Variants in TMEM67 observed in about 807,000 individuals in gnomAD.
TMEM67 encodes transmembrane protein 67, also known as meckelin.
A neutral mutation model predicts 136.6 loss-of-function variants in TMEM67; 124 were observed. The ratio of observed to expected loss-of-function variants is 0.91; its 90% confidence interval spans 0.78 to 1.05. The LOEUF (loss-of-function observed/expected upper bound fraction) is 1.05. Among genes scored for constraint, TMEM67 ranks in the 50% least tolerant of loss-of-function variants. The pLI is 0.00. For missense variants in TMEM67, 1,107 were observed against 1,178.4 expected (o/e 0.94, Z 0.89); for synonymous variants, 364 against 390.5 (o/e 0.93, Z 0.80).
chr8:93,790,996 A>T (rs1464242253), intron 14 of TMEM67, among the ~76,000 whole-genome samples: 1 of 152,242 alleles, frequency 6.6e-6, no homozygotes, highest in African/African-American at 2.4e-5. Context: ...CTATCAGAAA[A>T]TGAAATATGA....
chr8:93,778,884 A>C (rs890728264), intron 7 of TMEM67, among the ~76,000 whole-genome samples: 11 of 152,076 alleles, frequency 7.2e-5, no homozygotes, highest in African/African-American at 2.7e-4. Flanking sequence ...GTATTTCCTG[A>C]ATTTGAATGT....
chr8:93,827,579 CTTTTTTTT>C, the TMEM67 span, among the ~76,000 whole-genome samples: 4 of 136,478 alleles, frequency 2.9e-5, no homozygotes, highest in Admixed American at 7.4e-5. Flanking sequence ...TGTATTTTTT[CTTTTTTTT>C]TTTTTTGTAT....
At chr8:93,755,681 A>C (rs1812534863) in intron 1 of TMEM67, 97 bp from the exon 2 acceptor site, 1 of 832,096 alleles carries the variant, frequency 1.2e-6, no homozygotes, top group African/African-American at 1.7e-5. Context: ...ACTGCTTCTC[A>C]AGATCTTCAG....
In TMEM67 at chr8:93,765,655, G is replaced by C. The variant is rs1189734872; in HGVS notation, c.651+9G>C. ...CACGTTATGGAGAAGTTGTGAGTAT[G>C]TTTCAATTTTTTTGTTCTGTTGTTA... On this transcript the variant is annotated intron_variant, in intron 6 of 27. Coordinates refer to ENST00000453321, the MANE Select transcript of TMEM67 (RefSeq NM_153704.6). The C allele has an allele frequency of 1.9e-6, 3 of 1,600,768 alleles. No individual in the cohort carries two copies. Among genetic ancestry groups the C allele is most frequent in the Non-Finnish European group, 2.6e-6 (3 of 1,168,100 alleles).
chr8:93,804,310 C>CTTTTTTT (rs1182297223), intron 22 of TMEM67, among the ~76,000 whole-genome samples: 12 of 93,810 alleles, frequency 1.3e-4, no homozygotes, highest in Non-Finnish European at 1.7e-4. Context: ...CTTTTCTTTT[C>CTTTTTTT]TTTTTTTTTT....
intron 10 of TMEM67, 32 bp downstream of exon 10, chr8:93,781,776 C>T: frequency 1.5e-6 from 2 of 1,333,580 alleles, no homozygotes; most frequent in Non-Finnish European, 2.1e-6. Flanking sequence ...GAATTAATAA[C>T]ATGCATTATT....
Position 93,799,619 on chromosome 8 carries a change from T to C in TMEM67, c.2102T>C (p.Val701Ala). The C allele has an allele frequency of 6.2e-7, 1 of 1,613,910 alleles. No homozygotes were observed. Among genetic ancestry groups the C allele is most frequent in the Non-Finnish European group, 8.5e-7 (1 of 1,179,900 alleles). Residue 701 changes from valine (V) to alanine (A), a missense_variant and splice_region_variant, in exon 21 of 28, where the codon GTT (valine) becomes GCT (alanine). Physicochemically the swap from Val to Ala is moderately conservative, Grantham distance 64. This residue lies in a region of TMEM67 where 925 missense variants were observed against 1,002.4 expected (regional missense o/e 0.92). Coordinates refer to ENST00000453321, the MANE Select transcript of TMEM67 (RefSeq NM_153704.6). ...TACTACTTTTCCTTTTTACTCCAGG[T>C]TGTGGGATTCAAGAACTTAGCATTA... is the stretch of plus-strand genomic sequence containing the variant. ...QVLTVLFFLE[V>A]VGFKNLALMD...
At chr8:93,767,408 C>T (rs1813125556) in intron 6 of TMEM67, among the ~76,000 whole-genome samples, 2 of 152,202 alleles carry the variant, frequency 1.3e-5, no homozygotes, top group Admixed American at 1.3e-4. Flanking sequence ...TCTGAGATTA[C>T]ACTTCCTCAC....
Position 93,793,312 on chromosome 8 carries a change from T to G in TMEM67, c.1674+16T>G. The stretch of plus-strand genomic sequence containing the variant: ...TGATTTACAGGTATAATCTCAGGAG[T>G]TTTTTAAGAATATTTTTATCTTTTG... On this transcript the variant is annotated intron_variant, in intron 16 of 27. Coordinates refer to ENST00000453321, the MANE Select transcript of TMEM67 (RefSeq NM_153704.6). The G allele has an allele frequency of 6.3e-7, 1 of 1,585,586 alleles. No individual in the cohort carries two copies. Among genetic ancestry groups the G allele is most frequent in the Non-Finnish European group, 8.7e-7 (1 of 1,154,446 alleles).
intron 10 of TMEM67, 56 bp from the exon 11 acceptor site, chr8:93,782,339 G>A: frequency 3.6e-6 from 5 of 1,381,742 alleles, no homozygotes; most frequent in Non-Finnish European, 5.1e-6. Flanking sequence ...GAGAACTCTT[G>A]AGTATAAGAA....
intron 3 of TMEM67, among the ~76,000 whole-genome samples, chr8:93,760,191 A>G (rs1563676826): frequency 1.3e-5 from 2 of 152,224 alleles, no homozygotes; most frequent in African/African-American, 4.8e-5. Context: ...TTTAACAGGA[A>G]AGTTATATGA....
Position 93,780,587 on chromosome 8 carries a change from T to G in TMEM67, c.715-6T>G, listed in dbSNP as rs1291774422. The G allele has an allele frequency of 1.2e-6, 2 of 1,613,944 alleles. No individual in the cohort carries two copies. Among genetic ancestry groups the G allele is most frequent in the Non-Finnish European group, 1.7e-6 (2 of 1,179,992 alleles). ...GTTACTTTTCTTTGCCATTGTTCTG[T>G]TGTAGGTATATGCCAATCTAACATC... On this transcript the variant is annotated splice_region_variant and splice_polypyrimidine_tract_variant and intron_variant, in intron 7 of 27. Transcript: ENST00000453321.
rs141469691 is a variant in TMEM67, at chr8:93,805,126, C to T, written c.2439+248C>T. ...CAGCTGGGACTGCAGGCGCCTGCCA[C>T]TACACCCGGCTAATTTTGTATTTTT... On this transcript the variant is annotated intron_variant, in intron 23 of 27. Coordinates refer to ENST00000453321, the MANE Select transcript of TMEM67 (RefSeq NM_153704.6). Among the ~76,000 whole-genome samples, 3,470 of 152,240 alleles carry T rather than the reference C, an allele frequency of 0.023. 126 individuals carry two copies. The highest frequency in any genetic ancestry group is 0.078 in the African/African-American group (3,237 of 41,548).
At chr8:93,810,090 T>C (rs1262702927) in intron 26 of TMEM67, 2 of 391,886 alleles carry the variant, frequency 5.1e-6, no homozygotes, top group Admixed American at 8.6e-5. Context: ...TGCCTCAGCT[T>C]CCCAAGTAGC....
At chr8:93,784,107 G>C (rs1354175314) in intron 11 of TMEM67, among the ~76,000 whole-genome samples, 2 of 152,154 alleles carry the variant, frequency 1.3e-5, no homozygotes, top group African/African-American at 4.8e-5. Flanking sequence ...GGATAGTGGG[G>C]TTAGAAATTA....
rs1479691001 is a variant in TMEM67, at chr8:93,780,957, A to G, written c.953A>G (p.Asn318Ser). ...CTCAGTTCTACCTCTCTTCCTACAAATTTCAGTTTTAAAGGAGAAAACCAG... is the reference window on the plus strand; with the variant it reads ...CTCAGTTCTACCTCTCTTCCTACAAGTTTCAGTTTTAAAGGAGAAAACCAG... ...QVLSSTSLPT[N>S]FSFKGENQNT... The change falls in exon 9 of 28, where the codon AAT (asparagine) becomes AGT (serine). Residue 318 changes from asparagine (N) to serine (S), a missense_variant. By Grantham distance (46) the Asn-to-Ser change is conservative. Transcript: ENST00000453321. The G allele has an allele frequency of 6.2e-7, 1 of 1,611,048 alleles. No individual in the cohort carries two copies.
At chr8:93,758,726 T>C in intron 3 of TMEM67, 150 bp downstream of exon 3, 1 of 679,944 alleles carries the variant, frequency 1.5e-6, no homozygotes, top group Non-Finnish European at 2.6e-6. Context: ...GCTTCCTGAG[T>C]AGCTGGGACT....
rs1812491666 is a variant in TMEM67, at chr8:93,754,902, C to A, written c.-13C>A. On this transcript the variant is annotated 5_prime_UTR_variant, in exon 1 of 28. Coordinates refer to ENST00000453321, the MANE Select transcript of TMEM67 (RefSeq NM_153704.6). Reference sequence around the variant, plus strand: ...GGGGGGCTGGAGGCTGTGAGGCTTCCAGCGTCGGTACCATGGCGACGCGCG... The same window carrying A: ...GGGGGGCTGGAGGCTGTGAGGCTTCAAGCGTCGGTACCATGGCGACGCGCG... 6.2e-7 allele frequency: 1 copy of A among 1,612,338 alleles called. No homozygotes were observed. Among genetic ancestry groups the A allele is most frequent in the East Asian group, 2.2e-5 (1 of 44,866 alleles).
At chr8:93,755,502 A>G (rs1341306948) in intron 1 of TMEM67, among the ~76,000 whole-genome samples, 5 of 152,300 alleles carry the variant, frequency 3.3e-5, no homozygotes, top group Admixed American at 2.0e-4. Flanking sequence ...TGAGGTAGGT[A>G]CCAATTTTTT....
Sources: allele counts gnomAD v4.1 joint callset (sites outside exome capture counted in the v4.1 genomes callset), GRCh38; gene constraint gnomAD v4.1.1; regional missense constraint gnomAD v4.1.1; transcripts MANE v1.5; gene names NCBI Gene and HGNC (gene_info 2026-07-23, HGNC 2026-07-21).